The following ZNF718 variants were observed in gnomAD, a reference collection of about 807,000 sequenced individuals.
ZNF718 encodes the protein zinc finger protein 718.
ZNF718 carries 3 observed loss-of-function variants against 2.6 expected under a neutral mutation model. The observed-to-expected ratio is 1.16, with a 90% CI of 0.53 to 3.01. The LOEUF is 3.01. ZNF718 is among the 30% of genes most tolerant of loss of function. The pLI is 0.03. For synonymous variants in ZNF718, 135 were observed against 77.9 expected, an observed-to-expected ratio of 1.73 and a Z score of -3.86; for missense variants, 468 against 230.0, an observed-to-expected ratio of 2.03 and a Z score of -6.69.
Position 140,065 on chromosome 4 carries a change from C to T in ZNF718, c.226+8560C>T, listed in dbSNP as rs113966438. Among the ~76,000 whole-genome samples, 361 of 152,038 alleles carry T rather than the reference C, an allele frequency of 2.4e-3. 1 individual carries two copies. Among genetic ancestry groups the T allele is most frequent in the African/African-American group, 7.9e-3 (326 of 41,428 alleles). On this transcript the variant is annotated intron_variant, in intron 3 of 3. Transcript: ENST00000510175. ...CGTGGTCCCCGATCCCTATGTGTGG[C>T]GCAGTTCAGAGCAAACTCGCACATG...
chr4:144,364 T>G (rs1715954259), intron 3 of ZNF718, among the ~76,000 whole-genome samples: 1 of 152,230 alleles, frequency 6.6e-6, no homozygotes, highest in Non-Finnish European at 1.5e-5. Flanking sequence ...TATCTCTGCA[T>G]TCGCTCTACT....
At chr4:143,645 T>A (rs564101443) in intron 3 of ZNF718, among the ~76,000 whole-genome samples, 20 of 152,234 alleles carry the variant, frequency 1.3e-4, no homozygotes, top group Middle Eastern at 3.4e-3. Context: ...CTCCTGCAAA[T>A]CTCTGTAACA....
chr4:187,008 T>G (rs896362888), intron 3 of ZNF718, among the ~76,000 whole-genome samples: 2 of 152,214 alleles, frequency 1.3e-5, no homozygotes, highest in Non-Finnish European at 2.9e-5. Context: ...GTTTTCATCA[T>G]GTTTGTGCCA....
chr4:186,237 T>C (rs1553820454), intron 3 of ZNF718, among the ~76,000 whole-genome samples: 1 of 152,158 alleles, frequency 6.6e-6, no homozygotes, highest in Non-Finnish European at 1.5e-5. Flanking sequence ...CTCCTTCACT[T>C]ATGAAGCTTA....
rs1437323872 is a variant in ZNF718, at chr4:157,121, T to C, written c.227-3791T>C. On this transcript the variant is annotated intron_variant, in intron 3 of 3. Transcript: ENST00000510175. ...TTTCTTTCTTTTTTTTTTTTTTTTT[T>C]TTTTTTTTTTCAGACAGTTCCACAC... 6.2e-5 allele frequency among the ~76,000 whole-genome samples: 8 copies of C among 128,260 alleles called. No homozygotes were observed. The South Asian group carries it at 1.6e-3, about 26-fold the overall frequency. The allele number at this position is 128,260 out of a possible 152,430, so 84.1% of individuals were successfully genotyped here.
chr4:196,681 C>G (rs1717798844), intron 3 of ZNF718, among the ~76,000 whole-genome samples: 1 of 152,068 alleles, frequency 6.6e-6, no homozygotes, highest in Admixed American at 6.5e-5. Context: ...CTTTCTGCCA[C>G]TAGTCAGCCC....
At chr4:159,616 ATTG>A (rs371610346) in intron 3 of ZNF718, among the ~76,000 whole-genome samples, 90 of 151,936 alleles carry the variant, frequency 5.9e-4, no homozygotes, top group African/African-American at 2.0e-3. Flanking sequence ...CTCAGTCATT[ATTG>A]TTGTATTTTT....
At chr4:151,196 G>A (rs981077071) in intron 3 of ZNF718, among the ~76,000 whole-genome samples, 11 of 151,782 alleles carry the variant, frequency 7.2e-5, no homozygotes, top group African/African-American at 1.9e-4. Flanking sequence ...TCTGCCTCCC[G>A]GGTTCAGGCA....
Position 161,826 on chromosome 4 carries a change from A to C in ZNF718, c.1141A>C (p.Thr381Pro). 1 of 780,822 alleles carries C rather than the reference A, an allele frequency of 1.3e-6. No homozygotes were observed. The highest frequency in any genetic ancestry group is 1.3e-5 in the South Asian group (1 of 74,606). 48.4% of individuals were successfully genotyped at this position (780,822 alleles called of 1,614,324 possible). Residue 381 changes from threonine (T) to proline (P), a missense_variant, in exon 4 of 4, where the codon ACC becomes CCC. By Grantham distance (38) the Thr-to-Pro change is conservative. Transcript: ENST00000510175. ...TGGAAAAGCCTTTAATTGGTCCTCA[A>C]CCCTTAATGTACACAAGAGAATTCA... ...ECGKAFNWSSTLNVHKRIHSG... is the reference protein window; with the variant it reads ...ECGKAFNWSSPLNVHKRIHSG...
intron 3 of ZNF718, among the ~76,000 whole-genome samples, chr4:136,835 A>T (rs1332313478): frequency 2.6e-5 from 4 of 152,210 alleles, no homozygotes; most frequent in Admixed American, 6.5e-5. Context: ...TAAATCATTC[A>T]TCTATTGAAG....
At chr4:172,538 T>C (rs539977865) in intron 3 of ZNF718, among the ~76,000 whole-genome samples, 54 of 152,178 alleles carry the variant, frequency 3.5e-4, no homozygotes, top group Non-Finnish European at 7.5e-4. Flanking sequence ...TAGGTACTTA[T>C]TTTACGGAGA....
chr4:162,975 T>C lies in ZNF718; in HGVS notation c.*853T>C, dbSNP rs1553815939. The C allele has an allele frequency of 6.6e-6, 1 of 152,192 alleles. No homozygotes were observed. Among genetic ancestry groups the C allele is most frequent in the African/African-American group, 2.4e-5 (1 of 41,454 alleles). 9.4% of individuals were successfully genotyped at this position (152,192 alleles called of 1,614,324 possible). On this transcript the variant is annotated 3_prime_UTR_variant, in exon 4 of 4. Transcript: ENST00000510175. ...CCAAAGCTGAAACTGTTAGATAATT[T>C]CTTTCTATATAAGTTGAAAAGGAGT...
chr4:165,897 G>C, downstream of ZNF718, among the ~76,000 whole-genome samples: 1 of 151,934 alleles, frequency 6.6e-6, no homozygotes, highest in East Asian at 1.9e-4. Context: ...TGTGCACAAC[G>C]TGCAGGTTAG....
rs1204267953 is a variant in ZNF718, at chr4:133,209, T to A, written c.226+1704T>A. ...AAAAAAAAAAAAATATATATATATA[T>A]ATATATATATATATATATATGGTAA... On this transcript the variant is annotated intron_variant, in intron 3 of 3. Transcript: ENST00000510175. Among the ~76,000 whole-genome samples the A allele has an allele frequency of 3.0e-3, 70 of 23,348 alleles. 19 individuals carry two copies. Among genetic ancestry groups the A allele is most frequent in the African/African-American group, 0.013 (64 of 4,806 alleles). The allele number at this position is 23,348 out of a possible 152,430, so 15.3% of individuals were successfully genotyped here.
At position 128,277 on chromosome 4, in the gene ZNF718, G is replaced by T. The variant is rs1369417621; in HGVS notation, c.4-2511G>T. On this transcript the variant is annotated intron_variant, in intron 1 of 3. Coordinates refer to ENST00000510175, the MANE Select transcript of ZNF718 (RefSeq NM_001039127.6). ...AGACATCTTAAGCCCCATTTTTAGAGTGGGGCCCTTTGAGTTTTCCAGATC... is the reference window on the plus strand; with the variant it reads ...AGACATCTTAAGCCCCATTTTTAGATTGGGGCCCTTTGAGTTTTCCAGATC... Among the ~76,000 whole-genome samples, 2 of 103,834 alleles carry T rather than the reference G, an allele frequency of 1.9e-5. 1 individual carries two copies. The highest frequency in any genetic ancestry group is 4.3e-5 in the Non-Finnish European group (2 of 46,674). 68.1% of individuals were successfully genotyped at this position (103,834 alleles called of 152,430 possible). A position where few individuals can be genotyped will look rare whatever the true frequency, so the allele number is the denominator to read the frequency against.
chr4:130,347 T>C lies in ZNF718; in HGVS notation c.4-441T>C, dbSNP rs1488688815. On this transcript the variant is annotated intron_variant, in intron 1 of 3. Transcript: ENST00000510175. ...TTGAACCTTAGAGGCAATGCTTGGC[T>C]GAGTGACTCTTAGCCCAGTCTTGCA... 1.9e-5 allele frequency among the ~76,000 whole-genome samples: 2 copies of C among 104,138 alleles called. 1 individual carries two copies. Among genetic ancestry groups the C allele is most frequent in the Non-Finnish European group, 4.3e-5 (2 of 46,720 alleles). The allele number at this position is 104,138 out of a possible 152,430, so 68.3% of individuals were successfully genotyped here. A position where few individuals can be genotyped will look rare whatever the true frequency, so the allele number is the denominator to read the frequency against.
At chr4:151,004 T>C (rs1454489220) in intron 3 of ZNF718, among the ~76,000 whole-genome samples, 2 of 152,196 alleles carry the variant, frequency 1.3e-5, no homozygotes, top group Non-Finnish European at 2.9e-5. Flanking sequence ...GTGATACTTT[T>C]TTTCCTATAA....
intron 3 of ZNF718, among the ~76,000 whole-genome samples, chr4:174,313 C>T (rs1553818713): frequency 6.6e-6 from 1 of 152,128 alleles, no homozygotes; most frequent in East Asian, 1.9e-4. Context: ...ATTTGTCTAA[C>T]AACCTCCCCA....
intron 3 of ZNF718, among the ~76,000 whole-genome samples, chr4:179,408 A>G (rs961770229): frequency 3.9e-5 from 6 of 152,212 alleles, no homozygotes; most frequent in African/African-American, 1.4e-4. Context: ...TTTATCAAAT[A>G]TCTCTGTAAG....
Sources: gnomAD v4.1 joint callset for allele counts (sites outside exome capture counted in the v4.1 genomes callset) on GRCh38, gnomAD v4.1.1 for gene constraint, MANE v1.5 for transcripts, NCBI Gene and HGNC (gene_info 2026-07-23, HGNC 2026-07-21) for gene names.